The following GSG1L variants were observed in gnomAD, a reference collection of about 807,000 sequenced individuals.
The protein encoded by GSG1L is GSG1 like.
Under a neutral mutation model 42.1 loss-of-function variants are expected in GSG1L, and 24 were observed. That is an observed-to-expected ratio of 0.57 (90% CI 0.41 to 0.80). The LOEUF is 0.80. GSG1L is among the 30% of genes least tolerant of loss of function. The probability of loss-of-function intolerance (pLI) is 0.00; values close to 1 mark genes in which losing one functional copy is unlikely to be tolerated. For missense variants in GSG1L, 445 were observed against 472.2 expected (o/e 0.94, Z 0.53); for synonymous variants, 215 against 203.5 (o/e 1.06, Z -0.48).
intron 2 of GSG1L, among the ~76,000 whole-genome samples, chr16:27,941,755 T>C (rs1206165340): frequency 6.6e-6 from 1 of 151,706 alleles, no homozygotes; most frequent in Non-Finnish European, 1.5e-5. Context: ...GTTACATCCA[T>C]GCGATGGCAT....
intron 2 of GSG1L, among the ~76,000 whole-genome samples, chr16:27,930,670 T>C (rs932052154): frequency 5.3e-5 from 8 of 152,220 alleles, no homozygotes; most frequent in African/African-American, 1.9e-4. Flanking sequence ...ATACAGCATT[T>C]AGGAGGTCCT....
intron 2 of GSG1L, among the ~76,000 whole-genome samples, chr16:27,890,116 C>T (rs558540726): frequency 6.6e-6 from 1 of 152,276 alleles, no homozygotes; most frequent in African/African-American, 2.4e-5. Flanking sequence ...AGGTTGTTGC[C>T]ACCGGTCTGG....
intron 6 of GSG1L, among the ~76,000 whole-genome samples, chr16:27,793,172 C>T (rs2082774388): frequency 6.6e-6 from 1 of 152,132 alleles, no homozygotes; most frequent in South Asian, 2.1e-4. Context: ...CTTCTCCATC[C>T]TCAAAGCAGC....
intron 1 of GSG1L, among the ~76,000 whole-genome samples, chr16:28,016,067 T>C (rs1421193394): frequency 6.6e-6 from 1 of 152,230 alleles, no homozygotes; most frequent in Non-Finnish European, 1.5e-5. Flanking sequence ...CTCGGCTCAC[T>C]GCAGCCTCCA....
intron 2 of GSG1L, among the ~76,000 whole-genome samples, chr16:27,896,262 G>T (rs1235860913): frequency 6.6e-6 from 1 of 152,164 alleles, no homozygotes; most frequent in African/African-American, 2.4e-5. Context: ...TGTGTCAAGG[G>T]CATTGAATGC....
intron 2 of GSG1L, among the ~76,000 whole-genome samples, chr16:27,944,835 GA>G (rs2084844479): frequency 6.6e-6 from 1 of 152,026 alleles, no homozygotes; most frequent in African/African-American, 2.4e-5. Context: ...AGCACTCTAG[GA>G]GTCCCAGGCA....
At chr16:27,841,722 T>C (rs938358) in intron 4 of GSG1L, among the ~76,000 whole-genome samples, 49,447 of 152,048 alleles carry the variant, frequency 0.33, 8,400 homozygotes, top group East Asian at 0.45. Context: ...GGGCTGCACA[T>C]TGGGCCCCGG....
intron 5 of GSG1L, among the ~76,000 whole-genome samples, chr16:27,818,182 A>G (rs1177026969): frequency 1.3e-5 from 2 of 152,196 alleles, no homozygotes; most frequent in Non-Finnish European, 1.5e-5. Flanking sequence ...GGCCATGATC[A>G]AAGAGCCAGC....
At chr16:28,020,392 T>C (rs1349807707) in intron 1 of GSG1L, among the ~76,000 whole-genome samples, 1 of 152,202 alleles carries the variant, frequency 6.6e-6, no homozygotes, top group Non-Finnish European at 1.5e-5. Context: ...GAAGAATGCA[T>C]GAAGGGGATG....
At chr16:27,969,599 C>T (rs1047583236) in intron 1 of GSG1L, among the ~76,000 whole-genome samples, 2 of 151,922 alleles carry the variant, frequency 1.3e-5, no homozygotes, top group African/African-American at 2.4e-5. Flanking sequence ...GGATATACCA[C>T]CTTTTATTTA....
chr16:27,947,601 A>AAAGAAAGAAAGAAAGAAAG (rs1411167304), intron 2 of GSG1L, among the ~76,000 whole-genome samples: 1 of 127,030 alleles, frequency 7.9e-6, no homozygotes. Flanking sequence ...AAGAAAGAAA[A>AAAGAAAGAAAGAAAGAAAG]AGAAAGAAAG....
At chr16:27,876,652 G>A (rs549540218) in intron 3 of GSG1L, among the ~76,000 whole-genome samples, 39 of 152,298 alleles carry the variant, frequency 2.6e-4, no homozygotes. Context: ...CCGAGGATGT[G>A]AGTATAGGCA....
At chr16:27,913,888 T>C (rs2084420700) in intron 2 of GSG1L, among the ~76,000 whole-genome samples, 1 of 152,176 alleles carries the variant, frequency 6.6e-6, no homozygotes, top group Non-Finnish European at 1.5e-5. Context: ...CACATGCTTA[T>C]CGGAAAGAAT....
At position 27,790,140 on chromosome 16, in the gene GSG1L, TATGAATGATGGATGGATG is replaced by T. The variant is rs2082736102; in HGVS notation, c.*1212_*1229del. ...TGGATGGATGAGTGGAAAGATGAATTATGAATGATGGATGGATGATGAATGATGGATGGATAATAGATG... is the reference window on the plus strand; with the variant it reads ...TGGATGGATGAGTGGAAAGATGAATTATGAATGATGGATGGATAATAGATG... On this transcript the variant is annotated 3_prime_UTR_variant, in exon 7 of 7. Transcript: ENST00000447459. The T allele has an allele frequency of 2.0e-5, 3 of 150,022 alleles. No individual in the cohort carries two copies. The highest frequency in any genetic ancestry group is 4.9e-5 in the African/African-American group (2 of 40,510). 9.3% of individuals were successfully genotyped at this position (150,022 alleles called of 1,614,324 possible). A position where few individuals can be genotyped will look rare whatever the true frequency, so the allele number is the denominator to read the frequency against.
rs141836528 is a variant in GSG1L at position 27,937,766 on chromosome 16, A to G, written c.397+25390T>C. Among the ~76,000 whole-genome samples the G allele has an allele frequency of 8.4e-3, 1,283 of 152,230 alleles. 6 individuals are homozygous for G. Among genetic ancestry groups the G allele is most frequent in the Non-Finnish European group, 0.014 (923 of 68,000 alleles). On this transcript the variant is annotated intron_variant, in intron 2 of 6. Coordinates refer to ENST00000447459, the MANE Select transcript of GSG1L (RefSeq NM_001109763.2). Reference sequence around the variant, plus strand: ...TCCCACTCAAACTAGCTTAACTCCAAAGGAAGTTCTGAGAGGCCACAGGGG... The same window carrying G: ...TCCCACTCAAACTAGCTTAACTCCAGAGGAAGTTCTGAGAGGCCACAGGGG...
At chr16:27,860,140 G>C (rs959557160) in intron 3 of GSG1L, among the ~76,000 whole-genome samples, 9 of 152,308 alleles carry the variant, frequency 5.9e-5, no homozygotes, top group South Asian at 2.1e-4. Flanking sequence ...AGGCAAGAGA[G>C]GGGGAGGCTC....
chr16:28,001,862 C>T (rs1333433168), intron 1 of GSG1L, among the ~76,000 whole-genome samples: 1 of 152,198 alleles, frequency 6.6e-6, no homozygotes, highest in East Asian at 1.9e-4. Context: ...CTGGTCTCCA[C>T]CCGCTGCTTG....
intron 5 of GSG1L, chr16:27,823,888 C>T: frequency 2.8e-6 from 2 of 702,960 alleles, no homozygotes; most frequent in Non-Finnish European, 5.2e-6. Context: ...GGCAAGTCGC[C>T]CTCCCTCTCT....
chr16:27,967,774 G>A (rs540196740), intron 1 of GSG1L, among the ~76,000 whole-genome samples: 155 of 152,278 alleles, frequency 1.0e-3, no homozygotes, highest in African/African-American at 3.7e-3. Context: ...TTCGCTGGGT[G>A]TGTTGGCATA....
Sources: allele counts gnomAD v4.1 joint callset (sites outside exome capture counted in the v4.1 genomes callset), GRCh38; gene constraint gnomAD v4.1.1; transcripts MANE v1.5; gene names NCBI Gene and HGNC (gene_info 2026-07-23, HGNC 2026-07-21).